IRX6: variants seen among roughly 807,000 people sequenced by gnomAD.
IRX6 encodes the protein iroquois homeobox 6.
In IRX6, 46 loss-of-function variants were observed where a neutral mutation model predicts 47.7. The ratio of observed to expected loss-of-function variants is 0.96; its 90% CI spans 0.76 to 1.23. The LOEUF (loss-of-function observed/expected upper bound fraction) is 1.23. Among genes scored for constraint, IRX6 ranks in the 50% most tolerant of loss-of-function variants. The probability of loss-of-function intolerance (pLI) is 0.00; values close to 1 mark genes in which losing one functional copy is unlikely to be tolerated. For synonymous variants in IRX6, 265 were observed against 246.2 expected, an observed-to-expected ratio of 1.08 and a Z score of -0.72; for missense variants, 722 against 588.0, an observed-to-expected ratio of 1.23 and a Z score of -2.36.
At position 55,330,387 on chromosome 16, in the gene IRX6, C is replaced by A; in HGVS notation, c.*82C>A. ...ATCTCCAGGTTAAGAAGCTGCCAGA[C>A]CTTGCCAGGGACCAGGAGCTCTCAC... On this transcript the variant is annotated 3_prime_UTR_variant, in exon 6 of 6. Transcript: ENST00000290552. 2 of 1,375,108 alleles carry A rather than the reference C, an allele frequency of 1.5e-6. No homozygotes were observed. Among genetic ancestry groups the A allele is most frequent in the Admixed American group, 1.7e-5 (1 of 59,698 alleles). The allele number at this position is 1,375,108 out of a possible 1,614,324, so 85.2% of individuals were successfully genotyped here. A position where few individuals can be genotyped will look rare whatever the true frequency, so the allele number is the denominator to read the frequency against.
At chr16:55,326,311 A>G (rs770492989) in intron 1 of IRX6, 25 bp from the exon 2 acceptor site, 1 of 1,587,346 alleles carries the variant, frequency 6.3e-7, no homozygotes, top group East Asian at 2.3e-5. Flanking sequence ...TCTGACCTCC[A>G]GTGCCCTCTT....
At chr16:55,328,032 C>A in intron 4 of IRX6, 139 bp downstream of exon 4, 2 of 792,892 alleles carry the variant, frequency 2.5e-6, no homozygotes, top group Non-Finnish European at 4.0e-6. Context: ...TGTCTCAGAG[C>A]ATTAGCCTGT....
intron 1 of IRX6, chr16:55,326,005 A>AGG: frequency 6.8e-6 from 2 of 292,740 alleles, no homozygotes; most frequent in Non-Finnish European, 6.4e-6. Context: ...GGATCCTGGG[A>AGG]GGAGGGTAGG....
intron 1 of IRX6, chr16:55,325,654 ATTGTTG>A (rs1331227737): frequency 1.3e-5 from 2 of 153,138 alleles, no homozygotes; most frequent in East Asian, 3.9e-4. Flanking sequence ...ATCTCACCAT[ATTGTTG>A]TTGATTTGTT....
intron 4 of IRX6, 34 bp from the exon 5 acceptor site, chr16:55,328,665 TG>T: frequency 1.2e-6 from 2 of 1,605,028 alleles, no homozygotes; most frequent in Non-Finnish European, 1.7e-6. Flanking sequence ...CCTTGGGCCC[TG>T]GGGCTTTTCT....
At position 55,329,142 on chromosome 16, in the gene IRX6, T is replaced by C; in HGVS notation, c.1164T>C (p.Ser388=). Residue 388 remains serine (S), a synonymous_variant, in exon 5 of 6, where the codon TCT becomes TCC. Transcript: ENST00000290552. ...CRMIPGQPPA[S]ARRLSVPRDS... is the part of the protein sequence containing the mutation. ...TGATTCCTGGACAGCCTCCTGCCTC[T>C]GCCCGGCGACTCTCAGTCCCCAGAG... 6.2e-7 allele frequency: 1 copy of C among 1,614,154 alleles called. No homozygotes were observed. Among genetic ancestry groups the C allele is most frequent in the African/African-American group, 1.3e-5 (1 of 75,074 alleles).
Position 55,327,343 on chromosome 16 carries a change from C to A in IRX6, c.351C>A (p.Ser117Arg). The A allele has an allele frequency of 2.5e-6, 4 of 1,614,014 alleles. No individual in the cohort carries two copies. The highest frequency in any genetic ancestry group is 3.4e-6 in the Non-Finnish European group (4 of 1,179,920). Residue 117 changes from serine to arginine, a missense_variant, in exon 3 of 6, where the codon AGC becomes AGA. Coordinates refer to ENST00000290552, the MANE Select transcript of IRX6 (RefSeq NM_024335.3). Reference sequence around the variant, plus strand: ...AGGCTGCAGGGAGTTTTACATCCAGCCTGGCACAACCAGGAGCCTATTATC... The same window carrying A: ...AGGCTGCAGGGAGTTTTACATCCAGACTGGCACAACCAGGAGCCTATTATC... ...FKEAAGSFTS[S>R]LAQPGAYYPY... is the part of the protein sequence containing the mutation.
chr16:55,327,580 C>T lies in IRX6; in HGVS notation c.414-6C>T. On this transcript the variant is annotated splice_polypyrimidine_tract_variant and splice_region_variant and intron_variant, in intron 3 of 5. Transcript: ENST00000290552. ...TCTATAATGTGAGCCAGGTTCTCCC[C>T]CACAGGTATGGCGCAGTGGAATTGA... The T allele has an allele frequency of 6.3e-7, 1 of 1,590,060 alleles. No homozygotes were observed. Among genetic ancestry groups the T allele is most frequent in the Non-Finnish European group, 8.6e-7 (1 of 1,168,040 alleles).
Position 55,326,613 on chromosome 16 carries a change from C to T in IRX6, c.303+20C>T, listed in dbSNP as rs1218486193. The T allele has an allele frequency of 6.7e-7, 1 of 1,492,958 alleles. No homozygotes were observed. Among genetic ancestry groups the T allele is most frequent in the Admixed American group, 2.4e-5 (1 of 42,320 alleles). 92.5% of individuals were successfully genotyped at this position (1,492,958 alleles called of 1,614,324 possible). A position where few individuals can be genotyped will look rare whatever the true frequency, so the allele number is the denominator to read the frequency against. The stretch of plus-strand genomic sequence containing the variant: ...GCACTGGTGAGTACAGGGGTGGAGT[C>T]CCAGGGGAGTGAGCAGTAGAGACAG... On this transcript the variant is annotated intron_variant, in intron 2 of 5. Transcript: ENST00000290552.
intron 1 of IRX6, 123 bp from the exon 2 acceptor site, chr16:55,326,212 GA>G: frequency 1.2e-6 from 1 of 855,676 alleles, no homozygotes; most frequent in South Asian, 1.8e-5. Context: ...ATGAAGGAAT[GA>G]ATGAAGGAGC....
intron 1 of IRX6, chr16:55,326,124 G>A (rs921286469): frequency 2.1e-6 from 1 of 477,814 alleles, no homozygotes; most frequent in Non-Finnish European, 3.6e-6. Flanking sequence ...CATCTATAAG[G>A]GCAGTTTGGT....
intron 1 of IRX6, among the ~76,000 whole-genome samples, chr16:55,325,541 GAGAGAGAGAGAGAGAGAGAGAAAGAA>G (rs1960502929): frequency 2.8e-4 from 3 of 10,844 alleles, no homozygotes. Flanking sequence ...GAGAGAGAGA[GAGAGAGAGAGAGAGAGAGAGAAAGAA>G]AGAGAAAGAA....
Position 55,327,835 on chromosome 16 carries a change from G to A in IRX6, c.663G>A (p.Glu221=), listed in dbSNP as rs369709981. ...TWAPKNKGGE[E]RKAEGGEEDS... The stretch of plus-strand genomic sequence containing the variant: ...CGCCCAAGAACAAAGGTGGGGAGGA[G>A]AGGAAGGCAGAGGGAGGAGAGGAGG... The change falls in exon 4 of 6, where the codon GAG becomes GAA. Residue 221 remains glutamate (E), a synonymous_variant. Transcript: ENST00000290552. 11 of 1,612,934 alleles carry A rather than the reference G, an allele frequency of 6.8e-6. No homozygotes were observed. The highest frequency in any genetic ancestry group is 9.3e-6 in the Non-Finnish European group (11 of 1,179,766).
At position 55,327,635 on chromosome 16, in the gene IRX6, C is replaced by G; in HGVS notation, c.463C>G (p.Arg155Gly). Residue 155 changes from arginine (R) to glycine (G), a missense_variant, in exon 4 of 6, where the codon CGG becomes GGG. Arg to Gly is a moderately radical substitution (Grantham distance 125). Transcript: ENST00000290552. ...SGAGRRKNAT[R>G]ETTSTLKAWL... is the part of the protein sequence containing the mutation. ...CGCCGGTCGCCGAAAGAACGCGACCCGGGAGACCACCAGTACACTCAAGGC... is the reference window on the plus strand; with the variant it reads ...CGCCGGTCGCCGAAAGAACGCGACCGGGGAGACCACCAGTACACTCAAGGC... 4 of 1,611,398 alleles carry G rather than the reference C, an allele frequency of 2.5e-6. No individual in the cohort carries two copies. The highest frequency in any genetic ancestry group is 1.3e-5 in the African/African-American group (1 of 74,770).
chr16:55,330,230 GA>G (rs1469762746), intron 5 of IRX6, 67 bp from the exon 6 acceptor site: 1 of 1,464,780 alleles, frequency 6.8e-7, no homozygotes, highest in Non-Finnish European at 9.6e-7. Flanking sequence ...AGACATGGCT[GA>G]CCCAGAGGTT....
At chr16:55,326,150 G>A (rs1960517446) in intron 1 of IRX6, 186 bp from the exon 2 acceptor site, 1 of 592,850 alleles carries the variant, frequency 1.7e-6, no homozygotes, top group Non-Finnish European at 2.9e-6. Flanking sequence ...TATAATTCCC[G>A]TCCCAGCACC....
rs1208857825 is a variant in IRX6 at position 55,330,312 on chromosome 16, G to C, written c.*7G>C. 2.5e-6 allele frequency: 4 copies of C among 1,613,830 alleles called. No individual in the cohort carries two copies. Among genetic ancestry groups the C allele is most frequent in the Non-Finnish European group, 3.4e-6 (4 of 1,179,716 alleles). On this transcript the variant is annotated 3_prime_UTR_variant, in exon 6 of 6. Coordinates refer to ENST00000290552, the MANE Select transcript of IRX6 (RefSeq NM_024335.3). ...TCCTCTCTCAGCAGGTTAGCGCAAT[G>C]GCTGCGATTTGCGAAAGAATCTTGG...
Position 55,327,652 on chromosome 16 carries a change from A to T in IRX6, c.480A>T (p.Thr160=), listed in dbSNP as rs148248438. 33 of 1,612,212 alleles carry T rather than the reference A, an allele frequency of 2.0e-5. No individual in the cohort carries two copies. Among genetic ancestry groups the T allele is most frequent in the Admixed American group, 3.3e-5 (2 of 59,968 alleles). ...ACGCGACCCGGGAGACCACCAGTAC[A>T]CTCAAGGCCTGGCTCAACGAGCACC... The part of the protein sequence containing the change: ...RKNATRETTS[T]LKAWLNEHRK... The change falls in exon 4 of 6, where the codon ACA becomes ACT. Residue 160 remains threonine, a synonymous_variant. Transcript: ENST00000290552.
chr16:55,328,732 C>G lies in IRX6; in HGVS notation c.754C>G (p.Arg252Gly). ...VTASQEARGLRLSDLEDLEEE... is the reference protein window; with the variant it reads ...VTASQEARGLGLSDLEDLEEE... ...TGCTAGCCAGGAGGCCCGGGGGCTC[C>G]GGCTGAGTGACCTGGAAGACCTGGA... is the stretch of plus-strand genomic sequence containing the variant. The change falls in exon 5 of 6, where the codon CGG becomes GGG. Residue 252 changes from arginine to glycine, a missense_variant. By Grantham distance (125) the Arg-to-Gly change is moderately radical. Coordinates refer to ENST00000290552, the MANE Select transcript of IRX6 (RefSeq NM_024335.3). The G allele has an allele frequency of 1.9e-6, 3 of 1,613,200 alleles. No homozygotes were observed. The highest frequency in any genetic ancestry group is 2.5e-6 in the Non-Finnish European group (3 of 1,180,010).
Sources: allele counts gnomAD v4.1 joint callset (sites outside exome capture counted in the v4.1 genomes callset), GRCh38; gene constraint gnomAD v4.1.1; transcripts MANE v1.5; gene names NCBI Gene and HGNC (gene_info 2026-07-23, HGNC 2026-07-21).